The following SLC14A2 variants were observed in gnomAD, a reference collection of about 807,000 sequenced individuals.
SLC14A2 encodes the protein urea transporter 2.
In SLC14A2, 91 loss-of-function variants were observed where a neutral mutation model predicts 104.6. That is an observed-to-expected ratio of 0.87 (90% CI 0.73 to 1.04). The LOEUF (loss-of-function observed/expected upper bound fraction) is 1.04, where lower values mean the gene tolerates loss of function less well. SLC14A2 is among the 50% of genes least tolerant of loss of function. The pLI is 0.00. For missense variants in SLC14A2, 1,189 were observed against 1,156.0 expected, an observed-to-expected ratio of 1.03 and a Z score of -0.41; for synonymous variants, 476 against 466.4, an observed-to-expected ratio of 1.02 and a Z score of -0.27.
chr18:45,332,933 A>G (rs2085303849), intron 1 of SLC14A2, among the ~76,000 whole-genome samples: 1 of 152,218 alleles, frequency 6.6e-6, no homozygotes, highest in African/African-American at 2.4e-5. Context: ...GCAGTCATTC[A>G]GATCCTGACT....
chr18:45,207,820 C>T, the SLC14A2 span, among the ~76,000 whole-genome samples: 29 of 151,892 alleles, frequency 1.9e-4, no homozygotes, highest in Middle Eastern at 3.4e-3. Context: ...CTAGAGATGC[C>T]CAGAATGTTT....
intron 1 of SLC14A2, among the ~76,000 whole-genome samples, chr18:45,409,388 C>T (rs528791180): frequency 6.6e-6 from 1 of 152,288 alleles, no homozygotes; most frequent in South Asian, 2.1e-4. Context: ...TCCGTCATCT[C>T]TCTACCTTCC....
rs140675923 is a variant in SLC14A2 at position 45,381,605 on chromosome 18, C to G, written c.-124-101628C>G. ...TGTCTTGGGCATAGTTTTTGTTGAT[C>G]CAATTATATGGACTATAAGCTCCTC... On this transcript the variant is annotated intron_variant, in intron 1 of 20. Coordinates refer to the SLC14A2 transcript ENST00000586448. Among the ~76,000 whole-genome samples, 807 of 152,180 alleles carry G rather than the reference C, an allele frequency of 5.3e-3. 6 individuals carry two copies. The highest frequency in any genetic ancestry group is 0.018 in the African/African-American group (766 of 41,518).
In SLC14A2 at chr18:45,523,715, C is replaced by T. The variant is rs559712134; in HGVS notation, c.-35+40393C>T. 5.8e-4 allele frequency among the ~76,000 whole-genome samples: 89 copies of T among 152,154 alleles called. 1 individual carries two copies. The highest frequency in any genetic ancestry group is 1.9e-3 in the African/African-American group (80 of 41,518). The stretch of plus-strand genomic sequence containing the variant: ...CAAATGATACATCCTGCCTGTAACC[C>T]TCCCCACCTGAGACCTGCCTTTGCT... On this transcript the variant is annotated intron_variant, in intron 2 of 20. Coordinates refer to the SLC14A2 transcript ENST00000586448.
At chr18:45,547,455 A>G (rs1468509869) in intron 2 of SLC14A2, among the ~76,000 whole-genome samples, 1 of 152,186 alleles carries the variant, frequency 6.6e-6, no homozygotes, top group Non-Finnish European at 1.5e-5. Flanking sequence ...GCCGCAGAAC[A>G]GGGAGCAGGC....
At chr18:45,392,282 T>C (rs898744416) in intron 1 of SLC14A2, among the ~76,000 whole-genome samples, 32 of 152,348 alleles carry the variant, frequency 2.1e-4, no homozygotes, top group African/African-American at 7.7e-4. Context: ...TGCCTGGTTT[T>C]GTACTGTGTA....
the SLC14A2 span, among the ~76,000 whole-genome samples, chr18:45,191,308 G>A: frequency 2.6e-5 from 4 of 152,130 alleles, no homozygotes; most frequent in Admixed American, 2.6e-4. Flanking sequence ...GATTGTGTAA[G>A]AAAATAAATA....
the SLC14A2 span, among the ~76,000 whole-genome samples, chr18:45,176,505 T>C: frequency 6.6e-6 from 1 of 152,254 alleles, no homozygotes; most frequent in East Asian, 1.9e-4. Context: ...CTTCCTCCCA[T>C]TCCCAACTAA....
At position 45,348,033 on chromosome 18, in the gene SLC14A2, G is replaced by A. The variant is rs891228871; in HGVS notation, c.-125+134842G>A. 9.8e-5 allele frequency among the ~76,000 whole-genome samples: 15 copies of A among 152,324 alleles called. No individual in the cohort carries two copies. In the South Asian group the frequency reaches 1.7e-3, roughly 17 times the overall value. ...CAGGTGGACAGCACATGGTAAGCAC[G>A]AAGTGGAATTCGTCAATTGAAGCTC... On this transcript the variant is annotated intron_variant, in intron 1 of 20. Transcript: ENST00000586448.
intron 1 of SLC14A2, among the ~76,000 whole-genome samples, chr18:45,275,201 GA>G (rs1294049563): frequency 9.9e-5 from 15 of 152,230 alleles, no homozygotes; most frequent in Non-Finnish European, 1.6e-4. Flanking sequence ...GAGTAATAAT[GA>G]AAAAGTATGT....
chr18:45,385,147 G>A (rs1311529598), intron 1 of SLC14A2, among the ~76,000 whole-genome samples: 3 of 152,324 alleles, frequency 2.0e-5, no homozygotes, highest in East Asian at 3.9e-4. Flanking sequence ...ACCTGCAACC[G>A]CGAAGTGGGG....
the SLC14A2 span, among the ~76,000 whole-genome samples, chr18:45,175,338 A>G: frequency 6.9e-4 from 105 of 152,118 alleles, 1 homozygote; most frequent in African/African-American, 2.4e-3. Flanking sequence ...GCTCCCCAAG[A>G]TATTTTTTAA....
chr18:45,461,111 A>G (rs1305774387), intron 1 of SLC14A2, among the ~76,000 whole-genome samples: 2 of 152,034 alleles, frequency 1.3e-5, no homozygotes, highest in African/African-American at 4.8e-5. Context: ...CCTTCCACCC[A>G]ATTTGCCCCT....
intron 2 of SLC14A2, among the ~76,000 whole-genome samples, chr18:45,516,004 CT>C (rs1180304801): frequency 6.6e-6 from 1 of 152,310 alleles, no homozygotes; most frequent in East Asian, 1.9e-4. Context: ...GTATTAATAA[CT>C]ATTTGAGTTA....
chr18:45,330,031 G>A (rs1416068740), intron 1 of SLC14A2, among the ~76,000 whole-genome samples: 1 of 152,144 alleles, frequency 6.6e-6, no homozygotes, highest in African/African-American at 2.4e-5. Flanking sequence ...TCAGCAAAGA[G>A]AAAATAATAT....
chr18:45,230,457 T>C (rs140421938), intron 1 of SLC14A2, among the ~76,000 whole-genome samples: 42 of 152,332 alleles, frequency 2.8e-4, no homozygotes, highest in African/African-American at 9.6e-4. Context: ...ATTGCATCTG[T>C]CTATTCTTCC....
At chr18:45,206,449 A>T in the SLC14A2 span, among the ~76,000 whole-genome samples, 3 of 152,146 alleles carry the variant, frequency 2.0e-5, no homozygotes, top group Non-Finnish European at 4.4e-5. Flanking sequence ...ACACACACAG[A>T]GATACTTGGC....
chr18:45,387,324 T>C (rs1351916954), intron 1 of SLC14A2, among the ~76,000 whole-genome samples: 1 of 152,176 alleles, frequency 6.6e-6, no homozygotes, highest in African/African-American at 2.4e-5. Flanking sequence ...CAGCCAGAAT[T>C]AATTCTATGC....
intron 2 of SLC14A2, among the ~76,000 whole-genome samples, chr18:45,551,090 T>G (rs1021431108): frequency 6.6e-6 from 1 of 152,138 alleles, no homozygotes; most frequent in Admixed American, 6.5e-5. Flanking sequence ...AATTAATCAA[T>G]ATGGCTTAGA....
Sources: allele counts gnomAD v4.1 joint callset (sites outside exome capture counted in the v4.1 genomes callset), GRCh38; gene constraint gnomAD v4.1.1; transcripts MANE v1.5; gene names NCBI Gene and HGNC (gene_info 2026-07-23, HGNC 2026-07-21).